The following VWA1 variants were observed in gnomAD, a reference collection of about 807,000 sequenced individuals.
VWA1 encodes the protein von Willebrand factor A domain containing 1, also known as von Willebrand factor A domain-containing protein 1.
A neutral mutation model predicts 14.9 loss-of-function variants in VWA1; 12 were observed. The observed-to-expected ratio is 0.80, with a 90% CI of 0.52 to 1.30. The LOEUF is 1.30. Ranked by LOEUF, VWA1 falls within the 50% of genes most tolerant of loss-of-function variation. The pLI is 0.00. For synonymous variants in VWA1, 368 were observed against 310.7 expected (o/e 1.18, Z -1.94); for missense variants, 800 against 649.1 (o/e 1.23, Z -2.53).
In VWA1 at chr1:1,439,576, C is replaced by CA. The variant is rs1288654870; in HGVS notation, c.1127_1128insA (p.Gln377AlafsTer68). 3.8e-6 allele frequency: 5 copies of CA among 1,303,610 alleles called. No individual in the cohort carries two copies. Among genetic ancestry groups the CA allele is most frequent in the Middle Eastern group, 2.9e-4 (1 of 3,428 alleles). The allele number at this position is 1,303,610 out of a possible 1,614,324, so 80.8% of individuals were successfully genotyped here. ...TTCGGGCCGCTGCGGGGCGGGGAGG[C>CA]GCAGCGGGTGGAGGTGCCCGCGGGC... On this transcript the variant is annotated frameshift_variant, in exon 3 of 3. Coordinates refer to ENST00000476993, the MANE Select transcript of VWA1 (RefSeq NM_022834.5). LOFTEE classifies it low-confidence loss of function (END_TRUNC).
chr1:1,437,196 C>A lies in VWA1; in HGVS notation c.343C>A (p.Leu115Met). Residue 115 changes from leucine to methionine, a missense_variant, in exon 2 of 3, where the codon CTG becomes ATG. Coordinates refer to ENST00000476993, the MANE Select transcript of VWA1 (RefSeq NM_022834.5). ...GCGCATGGGTGACACCCACACTGGCCTGGCGCTGGTCTATGCCAAGGAACA... is the reference window on the plus strand; with the variant it reads ...GCGCATGGGTGACACCCACACTGGCATGGCGCTGGTCTATGCCAAGGAACA... ...AQRMGDTHTG[L>M]ALVYAKEQLF... 2 of 1,611,858 alleles carry A rather than the reference C, an allele frequency of 1.2e-6. No homozygotes were observed. Among genetic ancestry groups the A allele is most frequent in the South Asian group, 1.1e-5 (1 of 90,858 alleles).
In VWA1 at chr1:1,439,285, A is replaced by C; in HGVS notation, c.836A>C (p.Tyr279Ser). 1.2e-6 allele frequency: 2 copies of C among 1,602,658 alleles called. 1 individual carries two copies. Among genetic ancestry groups the C allele is most frequent in the South Asian group, 2.2e-5 (2 of 90,124 alleles). The change falls in exon 3 of 3, where the codon TAC (tyrosine) becomes TCC (serine). Residue 279 changes from tyrosine to serine, a missense_variant. Physicochemically the swap from Tyr to Ser is moderately radical, Grantham distance 144 (BLOSUM62 -2). Transcript: ENST00000476993. ...IWAGLDPDTD[Y>S]DVALVPESNV... The stretch of plus-strand genomic sequence containing the variant: ...GCCGGCCTCGACCCGGACACGGACT[A>C]CGACGTGGCGCTAGTGCCTGAGTCC...
chr1:1,439,969 C>G lies in VWA1; in HGVS notation c.*182C>G, dbSNP rs1419092277. 1.5e-5 allele frequency: 11 copies of G among 728,106 alleles called. No individual in the cohort carries two copies. Among genetic ancestry groups the G allele is most frequent in the South Asian group, 6.5e-5 (1 of 15,414 alleles). The allele number at this position is 728,106 out of a possible 1,614,324, so 45.1% of individuals were successfully genotyped here. On this transcript the variant is annotated 3_prime_UTR_variant, in exon 3 of 3. Coordinates refer to ENST00000476993, the MANE Select transcript of VWA1 (RefSeq NM_022834.5). ...GGCTTCCCCGCCTGGCGCCTGCCCT[C>G]CAGGGCTGGGGCCTCGCCTGGCGGG...
chr1:1,436,057 C>T (rs1483542884), intron 1 of VWA1, among the ~76,000 whole-genome samples: 1 of 151,402 alleles, frequency 6.6e-6, no homozygotes, highest in African/African-American at 2.4e-5. Flanking sequence ...GCCCGCATCT[C>T]TGCGGGATCG....
In VWA1 at chr1:1,439,581, C is replaced by T. The variant is rs758041400; in HGVS notation, c.1132C>T (p.Arg378Trp). The change falls in exon 3 of 3, where the codon CGG becomes TGG. Residue 378 changes from arginine (R) to tryptophan (W), a missense_variant. Transcript: ENST00000476993. ...GCCGCTGCGGGGCGGGGAGGCGCAG[C>T]GGGTGGAGGTGCCCGCGGGCCGCAA... is the stretch of plus-strand genomic sequence containing the variant. The part of the protein sequence containing the change: ...FGPLRGGEAQ[R>W]VEVPAGRNCT... 0.012 allele frequency: 16,199 copies of T among 1,300,200 alleles called. 158 individuals are homozygous for T. Among genetic ancestry groups the T allele is most frequent in the Non-Finnish European group, 0.014 (14,151 of 1,025,934 alleles). The allele number at this position is 1,300,200 out of a possible 1,614,324, so 80.5% of individuals were successfully genotyped here.
Position 1,440,573 on chromosome 1 carries a change from G to A in VWA1, c.*786G>A, listed in dbSNP as rs919111768. 1 of 166,844 alleles carries A rather than the reference G, an allele frequency of 6.0e-6. No individual in the cohort carries two copies. The highest frequency in any genetic ancestry group is 1.5e-5 in the Non-Finnish European group (1 of 68,132). 10.3% of individuals were successfully genotyped at this position (166,844 alleles called of 1,614,324 possible). ...AGCAACCACACCATCTTCTTGCTGT[G>A]AGAGGTCTCACCCCGGGCTACCTCC... On this transcript the variant is annotated 3_prime_UTR_variant, in exon 3 of 3. Transcript: ENST00000476993.
chr1:1,441,705 G>C lies in VWA1; in HGVS notation c.*1918G>C, dbSNP rs935056294. On this transcript the variant is annotated 3_prime_UTR_variant, in exon 3 of 3. Transcript: ENST00000476993. Reference sequence around the variant, plus strand: ...GGCAGATCTGAGCCCACGGTCACGTGAGAGGAGATGCCTCTTGCACACTGA... The same window carrying C: ...GGCAGATCTGAGCCCACGGTCACGTCAGAGGAGATGCCTCTTGCACACTGA... The C allele has an allele frequency of 6.6e-6, 1 of 152,384 alleles. No individual in the cohort carries two copies. The highest frequency in any genetic ancestry group is 1.5e-5 in the Non-Finnish European group (1 of 68,136). 9.4% of individuals were successfully genotyped at this position (152,384 alleles called of 1,614,324 possible).
intron 1 of VWA1, 99 bp downstream of exon 1, chr1:1,435,920 C>G: frequency 1.4e-4 from 19 of 139,388 alleles, no homozygotes; most frequent in South Asian, 5.4e-4. Context: ...TCCGGACGGG[C>G]GGGCGGGCTG....
rs1638615778 is a variant in VWA1 at position 1,439,574 on chromosome 1, G to T, written c.1125G>T (p.Glu375Asp). 4 of 1,304,318 alleles carry T rather than the reference G, an allele frequency of 3.1e-6. No homozygotes were observed. The South Asian group carries it at 5.2e-5, about 17-fold the overall frequency. The allele number at this position is 1,304,318 out of a possible 1,614,324, so 80.8% of individuals were successfully genotyped here. ...AGTTCGGGCCGCTGCGGGGCGGGGA[G>T]GCGCAGCGGGTGGAGGTGCCCGCGG... ...HVQFGPLRGG[E>D]AQRVEVPAGR... Residue 375 changes from glutamate (E) to aspartate (D), a missense_variant, in exon 3 of 3, where the codon GAG (glutamate) becomes GAT (aspartate). Transcript: ENST00000476993.
At chr1:1,437,760 G>A (rs908279604) in intron 2 of VWA1, among the ~76,000 whole-genome samples, 7 of 152,208 alleles carry the variant, frequency 4.6e-5, no homozygotes, top group Non-Finnish European at 8.8e-5. Flanking sequence ...CGAGGCCCCA[G>A]GGAGTGCAGA....
chr1:1,439,341 C>T lies in VWA1; in HGVS notation c.892C>T (p.Arg298Trp), dbSNP rs1320130485. The T allele has an allele frequency of 6.4e-6, 10 of 1,564,974 alleles. No individual in the cohort carries two copies. In the African/African-American group the frequency reaches 8.1e-5, roughly 13 times the overall value. The change falls in exon 3 of 3, where the codon CGG becomes TGG. Residue 298 changes from arginine to tryptophan, a missense_variant. Arg to Trp is a moderately radical substitution (Grantham distance 101, BLOSUM62 -3). Transcript: ENST00000476993. The part of the protein sequence containing the change: ...NVRLLRPQIL[R>W]VRTRPGEAGP... ...GCGCCTCCTGAGGCCCCAGATCCTG[C>T]GGGTGCGCACGCGGCCCGGTGAGGC...
Position 1,439,607 on chromosome 1 carries a change from C to T in VWA1, c.1158C>T (p.Asn386=). Residue 386 remains asparagine, a synonymous_variant, in exon 3 of 3, where the codon AAC becomes AAT. Coordinates refer to ENST00000476993, the MANE Select transcript of VWA1 (RefSeq NM_022834.5). ...GGGTGGAGGTGCCCGCGGGCCGCAA[C>T]TGCACCACGCTGCAGGGCCTGGCGC... The part of the protein sequence containing the change: ...AQRVEVPAGR[N]CTTLQGLAPG... 7.7e-7 allele frequency: 1 copy of T among 1,304,808 alleles called. No homozygotes were observed. The highest frequency in any genetic ancestry group is 9.7e-7 in the Non-Finnish European group (1 of 1,026,264). The allele number at this position is 1,304,808 out of a possible 1,614,324, so 80.8% of individuals were successfully genotyped here.
rs111558075 is a variant in VWA1, at chr1:1,435,776, G to A, written c.28G>A (p.Ala10Thr). 17 of 1,223,248 alleles carry A rather than the reference G, an allele frequency of 1.4e-5. No homozygotes were observed. The highest frequency in any genetic ancestry group is 9.8e-5 in the African/African-American group (6 of 61,458). The allele number at this position is 1,223,248 out of a possible 1,614,324, so 75.8% of individuals were successfully genotyped here. The part of the protein sequence containing the change: MLPWTALGL[A>T]LSLRLALARS... ...GCTCCCCTGGACGGCGCTCGGCCTG[G>A]CCCTGAGCTTGCGGCTGGCGCTGGC... The change falls in exon 1 of 3, where the codon GCC (alanine) becomes ACC (threonine). Residue 10 changes from alanine (A) to threonine (T), a missense_variant. Transcript: ENST00000476993.
chr1:1,439,120 C>T lies in VWA1; in HGVS notation c.671C>T (p.Thr224Met), dbSNP rs1214121736. ...RPQQLHATEI[T>M]SSGFRLAWPP... ...CAGCAGCTCCATGCCACGGAGATCA[C>T]GTCCAGCGGCTTCCGCCTGGCCTGG... is the stretch of plus-strand genomic sequence containing the variant. Residue 224 changes from threonine (T) to methionine (M), a missense_variant, in exon 3 of 3, where the codon ACG becomes ATG. Thr to Met is a moderately conservative substitution (Grantham distance 81). Coordinates refer to ENST00000476993, the MANE Select transcript of VWA1 (RefSeq NM_022834.5). The T allele has an allele frequency of 1.9e-6, 3 of 1,600,478 alleles. No individual in the cohort carries two copies. Among genetic ancestry groups the T allele is most frequent in the African/African-American group, 2.7e-5 (2 of 74,896 alleles).
chr1:1,439,307 G>T lies in VWA1; in HGVS notation c.858G>T (p.Glu286Asp), dbSNP rs772591082. The T allele has an allele frequency of 2.1e-5, 33 of 1,594,596 alleles. No homozygotes were observed. The South Asian group carries it at 3.5e-4, about 17-fold the overall frequency. Residue 286 changes from glutamate to aspartate, a missense_variant, in exon 3 of 3, where the codon GAG (glutamate) becomes GAT (aspartate). Coordinates refer to ENST00000476993, the MANE Select transcript of VWA1 (RefSeq NM_022834.5). The stretch of plus-strand genomic sequence containing the variant: ...ACTACGACGTGGCGCTAGTGCCTGA[G>T]TCCAACGTGCGCCTCCTGAGGCCCC... The part of the protein sequence containing the change: ...DTDYDVALVP[E>D]SNVRLLRPQI...
rs1405348447 is a variant in VWA1 at position 1,437,024 on chromosome 1, G to T, written c.171G>T (p.Val57=). 6.2e-7 allele frequency: 1 copy of T among 1,612,416 alleles called. No homozygotes were observed. Among genetic ancestry groups the T allele is most frequent in the Non-Finnish European group, 8.5e-7 (1 of 1,179,804 alleles). ...HYEFSRVREF[V]GQLVAPLPLG... ...AGTTCTCCCGGGTTCGGGAGTTTGT[G>T]GGGCAGCTGGTGGCTCCACTGCCCC... Residue 57 remains valine, a synonymous_variant, in exon 2 of 3, where the codon GTG becomes GTT. Coordinates refer to ENST00000476993, the MANE Select transcript of VWA1 (RefSeq NM_022834.5).
rs1378078784 is a variant in VWA1 at position 1,437,182 on chromosome 1, A to T, written c.329A>T (p.Asp110Val). 1 of 1,611,722 alleles carries T rather than the reference A, an allele frequency of 6.2e-7. No homozygotes were observed. The highest frequency in any genetic ancestry group is 1.1e-5 in the South Asian group (1 of 90,870). ...AVRASAQRMG[D>V]THTGLALVYA... is the part of the protein sequence containing the mutation. Reference sequence around the variant, plus strand: ...CGTGCTTCTGCCCAGCGCATGGGTGACACCCACACTGGCCTGGCGCTGGTC... The same window carrying T: ...CGTGCTTCTGCCCAGCGCATGGGTGTCACCCACACTGGCCTGGCGCTGGTC... Residue 110 changes from aspartate (D) to valine (V), a missense_variant, in exon 2 of 3, where the codon GAC (aspartate) becomes GTC (valine). By Grantham distance (152) the Asp-to-Val change is radical. Coordinates refer to ENST00000476993, the MANE Select transcript of VWA1 (RefSeq NM_022834.5).
Position 1,439,698 on chromosome 1 carries a change from G to T in VWA1, c.1249G>T (p.Ala417Ser), listed in dbSNP as rs1347423658. The change falls in exon 3 of 3, where the codon GCC becomes TCC. Residue 417 changes from alanine (A) to serine (S), a missense_variant. Ala to Ser is a moderately conservative substitution (Grantham distance 99). Coordinates refer to ENST00000476993, the MANE Select transcript of VWA1 (RefSeq NM_022834.5). ...CTCGGGCCGCGAGAGCGCGCTGTCC[G>T]CCAAGGCCTGCACGCCCGACGGCCC... ...FRSGRESALS[A>S]KACTPDGPRP... 2 of 1,246,324 alleles carry T rather than the reference G, an allele frequency of 1.6e-6. No homozygotes were observed. Among genetic ancestry groups the T allele is most frequent in the South Asian group, 3.5e-5 (2 of 56,634 alleles). 77.2% of individuals were successfully genotyped at this position (1,246,324 alleles called of 1,614,324 possible).
intron 2 of VWA1, among the ~76,000 whole-genome samples, chr1:1,438,037 C>CT (rs1638582176): frequency 6.6e-6 from 1 of 152,160 alleles, no homozygotes; most frequent in African/African-American, 2.4e-5. Flanking sequence ...CTCCCATTGG[C>CT]TTTTTTTCTG....
Sources: allele counts gnomAD v4.1 joint callset (sites outside exome capture counted in the v4.1 genomes callset), GRCh38; gene constraint gnomAD v4.1.1; transcripts MANE v1.5; gene names NCBI Gene and HGNC (gene_info 2026-07-23, HGNC 2026-07-21).